Variants in RAD21L1 observed in about 807,000 individuals in gnomAD.
RAD21L1 encodes the protein RAD21 cohesin complex component like 1, also known as double-strand-break repair protein rad21-like protein 1.
Under a neutral mutation model 69.0 loss-of-function variants are expected in RAD21L1, and 47 were observed. That is an observed-to-expected ratio of 0.68 (90% confidence interval 0.54 to 0.87). The LOEUF is 0.87. Among genes scored for constraint, RAD21L1 ranks in the 40% least tolerant of loss-of-function variants. The probability of loss-of-function intolerance (pLI) is 0.00; values close to 1 mark genes in which losing one functional copy is unlikely to be tolerated. For synonymous variants in RAD21L1, 177 were observed against 205.8 expected, an observed-to-expected ratio of 0.86 and a Z score of 1.20; for missense variants, 583 against 647.6, an observed-to-expected ratio of 0.90 and a Z score of 1.08.
chr20:1,234,128 C>G lies in RAD21L1; in HGVS notation c.412C>G (p.Pro138Ala). The change falls in exon 5 of 14, where the codon CCA (proline) becomes GCA (alanine). Residue 138 changes from proline to alanine, a missense_variant. By Grantham distance (27) the Pro-to-Ala change is conservative (BLOSUM62 -1). Coordinates refer to ENST00000683101, the MANE Select transcript of RAD21L1 (RefSeq NM_001384355.1). ...ACACTTTACTCAGAACCAAAGCAGACCAGAAGAAATCACTCTTAGAGAAAA... is the reference window on the plus strand; with the variant it reads ...ACACTTTACTCAGAACCAAAGCAGAGCAGAAGAAATCACTCTTAGAGAAAA... The part of the protein sequence containing the change: ...SEHFTQNQSR[P>A]EEITLRENFD... 6.5e-7 allele frequency: 1 copy of G among 1,545,426 alleles called. No homozygotes were observed. The highest frequency in any genetic ancestry group is 8.8e-7 in the Non-Finnish European group (1 of 1,141,938).
chr20:1,252,863 T>G (rs1444398991), intron 13 of RAD21L1, among the ~76,000 whole-genome samples: 1 of 152,232 alleles, frequency 6.6e-6, no homozygotes, highest in Non-Finnish European at 1.5e-5. Flanking sequence ...CAGTTATGTC[T>G]TCCACTTTCT....
At position 1,251,559 on chromosome 20, in the gene RAD21L1, C is replaced by T. The variant is rs189116898; in HGVS notation, c.1480-2710C>T. 2.5e-4 allele frequency among the ~76,000 whole-genome samples: 38 copies of T among 151,994 alleles called. 1 individual carries two copies. Among genetic ancestry groups the T allele is most frequent in the Admixed American group, 2.4e-3 (37 of 15,278 alleles). ...CAGGCTGGTTTCAAACTCCTGGCCT[C>T]AGTTTCCTTTTTATTTATGTTTTGT... On this transcript the variant is annotated intron_variant, in intron 13 of 13. Transcript: ENST00000683101.
At chr20:1,232,134 G>A (rs1001915709) in intron 4 of RAD21L1, among the ~76,000 whole-genome samples, 1 of 152,192 alleles carries the variant, frequency 6.6e-6, no homozygotes, top group African/African-American at 2.4e-5. Context: ...TCTAGGAAGA[G>A]CAAGTAGAAA....
chr20:1,226,309 C>T (rs1316365561), intron 1 of RAD21L1, 169 bp downstream of exon 1: 3 of 152,128 alleles, frequency 2.0e-5, no homozygotes, highest in African/African-American at 7.2e-5. Flanking sequence ...AAGGTCGTCG[C>T]CCGCAGCCCA....
chr20:1,233,630 T>G (rs2087437227), intron 4 of RAD21L1, among the ~76,000 whole-genome samples: 1 of 152,186 alleles, frequency 6.6e-6, no homozygotes, highest in African/African-American at 2.4e-5. Context: ...TCCTGATTCA[T>G]AGATGGCAAC....
chr20:1,228,173 G>T (rs1187334249), intron 1 of RAD21L1, among the ~76,000 whole-genome samples: 1 of 152,174 alleles, frequency 6.6e-6, no homozygotes, highest in Non-Finnish European at 1.5e-5. Flanking sequence ...CATGTATGAA[G>T]AAATCATTAA....
intron 1 of RAD21L1, chr20:1,226,385 C>T (rs1269481892): frequency 2.0e-5 from 3 of 152,284 alleles, no homozygotes; most frequent in African/African-American, 7.2e-5. Context: ...GCGCTGTGGC[C>T]TCAGTTTCCC....
intron 2 of RAD21L1, among the ~76,000 whole-genome samples, chr20:1,228,934 G>A (rs1012856154): frequency 1.3e-5 from 2 of 152,160 alleles, no homozygotes; most frequent in Non-Finnish European, 2.9e-5. Flanking sequence ...AAATGGGGAG[G>A]ATAGAAAGAG....
chr20:1,238,541 C>T (rs966959789), intron 6 of RAD21L1, among the ~76,000 whole-genome samples: 1 of 151,798 alleles, frequency 6.6e-6, no homozygotes. Context: ...TACTGGAAAA[C>T]ATTGTTTTCT....
At position 1,244,168 on chromosome 20, in the gene RAD21L1, G is replaced by C. The variant is rs2087675094; in HGVS notation, c.1306G>C (p.Glu436Gln). The change falls in exon 11 of 14, where the codon GAG becomes CAG. Residue 436 changes from glutamate to glutamine, a missense_variant and splice_region_variant. Transcript: ENST00000683101. ...GGATACCAATAAAAATATTAACTCTGAGGTAAGTTATCCAGAGAGAATCGT... is the reference window on the plus strand; with the variant it reads ...GGATACCAATAAAAATATTAACTCTCAGGTAAGTTATCCAGAGAGAATCGT... ...HEDTNKNINS[E>Q]DIVEMVSLAA... The C allele has an allele frequency of 1.3e-6, 2 of 1,536,468 alleles. No individual in the cohort carries two copies. The highest frequency in any genetic ancestry group is 2.7e-5 in the African/African-American group (2 of 72,736).
At chr20:1,236,300 C>T (rs1412537502) in intron 5 of RAD21L1, among the ~76,000 whole-genome samples, 1 of 152,170 alleles carries the variant, frequency 6.6e-6, no homozygotes, top group Non-Finnish European at 1.5e-5. Flanking sequence ...TCTTTAAATT[C>T]CATTTTTGAT....
chr20:1,229,809 C>G (rs2087353536), intron 2 of RAD21L1, 71 bp from the exon 3 acceptor site: 3 of 1,157,784 alleles, frequency 2.6e-6, no homozygotes. Context: ...CTTACGATGT[C>G]AGTAACTTTC....
At chr20:1,245,328 T>C (rs980667596) in intron 11 of RAD21L1, among the ~76,000 whole-genome samples, 1 of 152,144 alleles carries the variant, frequency 6.6e-6, no homozygotes, top group East Asian at 1.9e-4. Context: ...TTTTCAAATC[T>C]TCATAAAACA....
intron 1 of RAD21L1, among the ~76,000 whole-genome samples, chr20:1,227,059 G>A (rs1241901792): frequency 1.3e-5 from 2 of 152,080 alleles, no homozygotes. Context: ...ACAGACGCCC[G>A]CCACCGTGCC....
chr20:1,242,711 T>G lies in RAD21L1; in HGVS notation c.949T>G (p.Ser317Ala). 6.4e-7 allele frequency: 1 copy of G among 1,551,580 alleles called. No individual in the cohort carries two copies. Among genetic ancestry groups the G allele is most frequent in the Non-Finnish European group, 8.7e-7 (1 of 1,146,858 alleles). ...SSKVIHKQLT[S>A]FADTLMVLEL... is the part of the protein sequence containing the mutation. ...CAAAGTTATACATAAACAGCTTACT[T>G]CCTTTGCGGACACACTCATGGTTTT... is the stretch of plus-strand genomic sequence containing the variant. The change falls in exon 9 of 14, where the codon TCC becomes GCC. Residue 317 changes from serine (S) to alanine (A), a missense_variant. Physicochemically the swap from Ser to Ala is moderately conservative, Grantham distance 99 (BLOSUM62 1). Coordinates refer to ENST00000683101, the MANE Select transcript of RAD21L1 (RefSeq NM_001384355.1).
chr20:1,226,603 C>G (rs1221383935), intron 1 of RAD21L1, among the ~76,000 whole-genome samples: 1 of 152,176 alleles, frequency 6.6e-6, no homozygotes, highest in Non-Finnish European at 1.5e-5. Flanking sequence ...CCTTCCGACC[C>G]CTTCCTCCCT....
intron 13 of RAD21L1, among the ~76,000 whole-genome samples, chr20:1,251,199 T>C (rs57592681): frequency 0.027 from 4,085 of 152,280 alleles, 149 homozygotes; most frequent in African/African-American, 0.091. Flanking sequence ...TTCTCTCAGA[T>C]GTTGAAGGCT....
At chr20:1,236,211 C>T (rs549942632) in intron 5 of RAD21L1, among the ~76,000 whole-genome samples, 38 of 152,286 alleles carry the variant, frequency 2.5e-4, no homozygotes, top group Admixed American at 8.5e-4. Context: ...GTACCAAAGA[C>T]CTGGAGTACT....
chr20:1,246,208 A>C lies in RAD21L1; in HGVS notation c.1309-5A>C, dbSNP rs368070461. ...TACCTAACTTTCCCTAATTTGCTTCAGCAGGATATTGTTGAAATGGTGTCT... is the reference window on the plus strand; with the variant it reads ...TACCTAACTTTCCCTAATTTGCTTCCGCAGGATATTGTTGAAATGGTGTCT... On this transcript the variant is annotated splice_polypyrimidine_tract_variant and splice_region_variant and intron_variant, in intron 11 of 13. Coordinates refer to ENST00000683101, the MANE Select transcript of RAD21L1 (RefSeq NM_001384355.1). This position sits in a 1 kb window ranked among gnomAD's most constrained non-coding sequence, Gnocchi z 4.6. The C allele has an allele frequency of 5.9e-6, 9 of 1,516,576 alleles. No individual in the cohort carries two copies. Among genetic ancestry groups the C allele is most frequent in the Non-Finnish European group, 8.0e-6 (9 of 1,129,722 alleles). 93.9% of individuals were successfully genotyped at this position (1,516,576 alleles called of 1,614,324 possible).
Sources: gnomAD v4.1 joint callset for allele counts (sites outside exome capture counted in the v4.1 genomes callset) on GRCh38, gnomAD v4.1.1 for gene constraint, Gnocchi (gnomAD v3.1) non-coding constraint, MANE v1.5 for transcripts, NCBI Gene and HGNC (gene_info 2026-07-23, HGNC 2026-07-21) for gene names.